Variants in PHC2 observed in about 807,000 individuals in gnomAD.
PHC2 encodes polyhomeotic-like protein 2.
A neutral mutation model predicts 87.4 loss-of-function variants in PHC2; 29 were observed. The ratio of observed to expected loss-of-function variants is 0.33; its 90% CI spans 0.25 to 0.45. PHC2 has a LOEUF of 0.45. PHC2 is among the 20% of genes least tolerant of loss of function. PHC2 has a pLI of 1.00. For missense variants in PHC2, 857 were observed against 1,136.7 expected (o/e 0.75, Z 3.54); for synonymous variants, 438 against 461.7 (o/e 0.95, Z 0.66).
intron 1 of PHC2, among the ~76,000 whole-genome samples, chr1:33,429,961 C>T (rs1344992106): frequency 2.6e-5 from 4 of 152,220 alleles, no homozygotes; most frequent in African/African-American, 9.7e-5. Context: ...CCCCACACTT[C>T]CAAGAAACTC....
chr1:33,379,688 T>C (rs1004004083), intron 1 of PHC2, among the ~76,000 whole-genome samples: 2 of 150,216 alleles, frequency 1.3e-5, no homozygotes, highest in African/African-American at 4.9e-5. Context: ...CCTCCCTCAC[T>C]CTGCCTTGGC....
intron 7 of PHC2, among the ~76,000 whole-genome samples, chr1:33,356,277 G>GTA (rs1233308932): frequency 0.16 from 10,621 of 67,780 alleles, 859 homozygotes; most frequent in East Asian, 0.25. Context: ...ATATATATAT[G>GTA]TATATATATA....
chr1:33,334,066 AAG>A lies in PHC2; in HGVS notation c.1761+22_1761+23del, dbSNP rs1194743013. On this transcript the variant is annotated intron_variant, in intron 10 of 14. Coordinates refer to ENST00000683057, the MANE Select transcript of PHC2 (RefSeq NM_001385109.1). This position sits in a 1 kb window ranked among gnomAD's most constrained non-coding sequence, Gnocchi z 5.5. Reference sequence around the variant, plus strand: ...ACATCCAAAATATACTTAAAAAAAAAAGGGGAAAAGAAGTAGTCCGTACCGGG... The same window carrying A: ...ACATCCAAAATATACTTAAAAAAAAAGGGAAAAGAAGTAGTCCGTACCGGG... 1 of 1,567,414 alleles carries A rather than the reference AAG, an allele frequency of 6.4e-7. No individual in the cohort carries two copies.
intron 9 of PHC2, among the ~76,000 whole-genome samples, chr1:33,344,339 C>T (rs532558570): frequency 4.6e-5 from 7 of 152,192 alleles, no homozygotes; most frequent in Admixed American, 1.3e-4. Flanking sequence ...TCAACTGCAG[C>T]ATCACTAATA....
chr1:33,413,766 T>G (rs988651631), intron 1 of PHC2, among the ~76,000 whole-genome samples: 12 of 152,194 alleles, frequency 7.9e-5, no homozygotes, highest in Admixed American at 2.0e-4. Flanking sequence ...ATTCACTGCT[T>G]TATTGTTGTT....
rs1423531795 is a variant in PHC2, at chr1:33,349,948, AGGGAGCGGGGCGG to A, written c.1558+4440_1558+4452del. 5.9e-5 allele frequency: 12 copies of A among 204,538 alleles called. No individual in the cohort carries two copies. The East Asian group carries it at 1.9e-3, about 32-fold the overall frequency. The allele number at this position is 204,538 out of a possible 1,614,324, so 12.7% of individuals were successfully genotyped here. A position where few individuals can be genotyped will look rare whatever the true frequency, so the allele number is the denominator to read the frequency against. ...GGCCGCCTCCGCCGGGGGCGGGGCG[AGGGAGCGGGGCGG>A]GGAGGGGCGGGGCCGCGGGAGGGGC... On this transcript the variant is annotated intron_variant, in intron 9 of 14. Transcript: ENST00000683057. This position sits in a 1 kb window ranked among gnomAD's most constrained non-coding sequence, Gnocchi z 4.2.
chr1:33,370,263 C>G (rs536929108), intron 5 of PHC2, among the ~76,000 whole-genome samples, 158 bp downstream of exon 5: 2 of 152,296 alleles, frequency 1.3e-5, no homozygotes, highest in South Asian at 4.1e-4. Context: ...ACCAAAGCTC[C>G]CACTCAGCCT....
At position 33,328,852 on chromosome 1, in the gene PHC2, A is replaced by T; in HGVS notation, c.2425+18T>A. 1 of 1,588,992 alleles carries T rather than the reference A, an allele frequency of 6.3e-7. No individual in the cohort carries two copies. The highest frequency in any genetic ancestry group is 8.6e-7 in the Non-Finnish European group (1 of 1,162,214). On this transcript the variant is annotated intron_variant, in intron 14 of 14. Transcript: ENST00000683057. ...TCCTTGCTATTCCGGGGAGACATGG[A>T]ATTTCCAAGGGCCTTACCTGGCAGA... is the stretch of plus-strand genomic sequence containing the variant.
intron 7 of PHC2, among the ~76,000 whole-genome samples, chr1:33,361,290 G>A (rs1647188944): frequency 6.6e-6 from 1 of 152,222 alleles, no homozygotes; most frequent in Admixed American, 6.5e-5. Flanking sequence ...CCTTACTATA[G>A]ACTAGGCATT....
chr1:33,346,187 C>T, intron 9 of PHC2: 2 of 978,968 alleles, frequency 2.0e-6, no homozygotes, highest in Non-Finnish European at 2.4e-6. Context: ...CTGCATAACG[C>T]AGTCAGTTCT....
At chr1:33,341,132 C>T (rs1350364624) in intron 9 of PHC2, among the ~76,000 whole-genome samples, 2 of 152,196 alleles carry the variant, frequency 1.3e-5, no homozygotes, top group Non-Finnish European at 2.9e-5. Context: ...TTACTCTAGG[C>T]CTGTTTCCTC....
intron 14 of PHC2, among the ~76,000 whole-genome samples, chr1:33,326,733 C>T (rs1570436725): frequency 1.3e-5 from 2 of 152,270 alleles, no homozygotes; most frequent in South Asian, 4.1e-4. Flanking sequence ...GTGGGTGGAT[C>T]GCCTGAGGTA....
chr1:33,374,923 G>A (rs12028589), intron 2 of PHC2, among the ~76,000 whole-genome samples: 26,222 of 152,168 alleles, frequency 0.17, 2,790 homozygotes, highest in South Asian at 0.27. Context: ...GCAGTGAGCC[G>A]CCACCTGGAA....
intron 1 of PHC2, among the ~76,000 whole-genome samples, chr1:33,422,952 C>A (rs1370889869): frequency 6.6e-6 from 1 of 151,918 alleles, no homozygotes; most frequent in Non-Finnish European, 1.5e-5. Context: ...TTATTATGTA[C>A]CTCACATTAT....
intron 1 of PHC2, among the ~76,000 whole-genome samples, chr1:33,388,358 T>C (rs1443079862): frequency 6.6e-6 from 1 of 151,182 alleles, no homozygotes; most frequent in Non-Finnish European, 1.5e-5. Flanking sequence ...AGTTTTGCTC[T>C]TGTTGCCCAG....
intron 1 of PHC2, among the ~76,000 whole-genome samples, chr1:33,378,254 G>T (rs975516545): frequency 7.9e-5 from 12 of 152,182 alleles, no homozygotes; most frequent in African/African-American, 2.7e-4. Context: ...AAATTAGGCT[G>T]CATAAAAAGT....
In PHC2 at chr1:33,349,366, G is replaced by A. The variant is rs1004759081; in HGVS notation, c.1558+5035C>T. The A allele has an allele frequency of 3.0e-6, 3 of 985,338 alleles. No individual in the cohort carries two copies. Among genetic ancestry groups the A allele is most frequent in the Non-Finnish European group, 3.6e-6 (3 of 829,970 alleles). 61.0% of individuals were successfully genotyped at this position (985,338 alleles called of 1,614,324 possible). On this transcript the variant is annotated intron_variant, in intron 9 of 14. Coordinates refer to ENST00000683057, the MANE Select transcript of PHC2 (RefSeq NM_001385109.1). The surrounding 1 kb of genome is among the most constrained non-coding windows in gnomAD (Gnocchi z 4.2). Reference sequence around the variant, plus strand: ...GGACGCGGAAGCTGCGGCGCGCCGAGGTGACACGGCTTCCAGGGGCGACGG... The same window carrying A: ...GGACGCGGAAGCTGCGGCGCGCCGAAGTGACACGGCTTCCAGGGGCGACGG...
chr1:33,358,493 C>T (rs1163791947), intron 7 of PHC2, among the ~76,000 whole-genome samples: 1 of 152,178 alleles, frequency 6.6e-6, no homozygotes, highest in Non-Finnish European at 1.5e-5. Flanking sequence ...CATGATTTAA[C>T]TCCAGCATTA....
chr1:33,398,061 G>C (rs1442498991), intron 1 of PHC2, among the ~76,000 whole-genome samples: 1 of 152,152 alleles, frequency 6.6e-6, no homozygotes, highest in Admixed American at 6.5e-5. Flanking sequence ...ACCCCATCTG[G>C]CTCTGCCATT....
Sources: allele counts gnomAD v4.1 joint callset (sites outside exome capture counted in the v4.1 genomes callset), GRCh38; gene constraint gnomAD v4.1.1; non-coding constraint Gnocchi (gnomAD v3.1); transcripts MANE v1.5; gene names NCBI Gene and HGNC (gene_info 2026-07-23, HGNC 2026-07-21).